PTPRD: variants seen among roughly 807,000 people sequenced by gnomAD.
PTPRD encodes receptor-type tyrosine-protein phosphatase delta.
In PTPRD, 34 loss-of-function variants were observed where a neutral mutation model predicts 214.5. The observed-to-expected ratio is 0.16, with a 90% CI of 0.12 to 0.21. PTPRD has a LOEUF of 0.21. Among genes scored for constraint, PTPRD ranks in the 10% least tolerant of loss-of-function variants. The probability of loss-of-function intolerance (pLI) is 1.00; values close to 1 mark genes in which losing one functional copy is unlikely to be tolerated. For synonymous variants in PTPRD, 1,128 were observed against 845.7 expected (o/e 1.33, Z -5.79); for missense variants, 2,545 against 2,398.7 (o/e 1.06, Z -1.27).
At chr9:10,117,771 T>C (rs1222847770) in intron 3 of PTPRD, among the ~76,000 whole-genome samples, 1 of 151,984 alleles carries the variant, frequency 6.6e-6, no homozygotes, top group African/African-American at 2.4e-5. Context: ...AAACAATTCA[T>C]GTCAGAAGAT....
intron 11 of PTPRD, among the ~76,000 whole-genome samples, chr9:8,870,198 A>G (rs765481611): frequency 4.6e-5 from 7 of 151,990 alleles, no homozygotes; most frequent in African/African-American, 7.2e-5. Context: ...TTTAAATTAT[A>G]TTAGAACAGC....
intron 11 of PTPRD, among the ~76,000 whole-genome samples, chr9:8,907,533 A>AAAT (rs3046919): frequency 1.3e-3 from 157 of 118,202 alleles, no homozygotes; most frequent in African/African-American, 1.9e-3. Context: ...AAAAAAAAAA[A>AAAT]ATATATATAT....
chr9:9,965,743 T>G (rs1408812648), intron 4 of PTPRD, among the ~76,000 whole-genome samples: 1 of 152,184 alleles, frequency 6.6e-6, no homozygotes, highest in East Asian at 1.9e-4. Flanking sequence ...CCTCCACTCT[T>G]CAGATATCAC....
chr9:8,665,903 G>C (rs939873566), intron 12 of PTPRD, among the ~76,000 whole-genome samples: 1 of 152,096 alleles, frequency 6.6e-6, no homozygotes, highest in Admixed American at 6.6e-5. Context: ...GATACACTGT[G>C]GTTACTACTG....
chr9:9,567,034 T>C (rs1165769795), intron 8 of PTPRD, among the ~76,000 whole-genome samples: 1 of 151,846 alleles, frequency 6.6e-6, no homozygotes, highest in Non-Finnish European at 1.5e-5. Context: ...CAAGTAGATA[T>C]AAAAAATATA....
intron 8 of PTPRD, among the ~76,000 whole-genome samples, chr9:9,447,798 G>T (rs917937943): frequency 6.6e-6 from 1 of 152,120 alleles, no homozygotes; most frequent in Non-Finnish European, 1.5e-5. Context: ...GAAGAACGCT[G>T]TTCTAGGGAA....
At chr9:8,888,281 C>A (rs1037381141) in intron 11 of PTPRD, among the ~76,000 whole-genome samples, 11 of 152,090 alleles carry the variant, frequency 7.2e-5, no homozygotes, top group African/African-American at 2.7e-4. Context: ...CATAGTAATA[C>A]CGTTCATTTA....
chr9:9,089,000 A>G (rs1165835093), intron 10 of PTPRD, among the ~76,000 whole-genome samples: 1 of 152,202 alleles, frequency 6.6e-6, no homozygotes. Flanking sequence ...TTTGAAGGGA[A>G]CACAAGGGTT....
chr9:10,092,168 G>C (rs2098438636), intron 3 of PTPRD, among the ~76,000 whole-genome samples: 1 of 151,450 alleles, frequency 6.6e-6, no homozygotes. Flanking sequence ...AACCACCTAT[G>C]CCTCATGTAA....
chr9:9,134,125 T>C, intron 10 of PTPRD, among the ~76,000 whole-genome samples: 1 of 122,808 alleles, frequency 8.1e-6, no homozygotes, highest in African/African-American at 3.6e-5. Flanking sequence ...GACTGCGGAC[T>C]GCAGTGGCGC....
At chr9:9,641,187 G>C (rs1445877506) in intron 7 of PTPRD, among the ~76,000 whole-genome samples, 1 of 152,194 alleles carries the variant, frequency 6.6e-6, no homozygotes, top group African/African-American at 2.4e-5. Context: ...GTAGCTCCTT[G>C]AGTTGTTTTC....
At chr9:9,275,044 C>T in intron 9 of PTPRD, among the ~76,000 whole-genome samples, 1 of 94,926 alleles carries the variant, frequency 1.1e-5, no homozygotes, top group Admixed American at 1.5e-4. Flanking sequence ...CCTTTGTTTC[C>T]ATATATATAT....
intron 34 of PTPRD, among the ~76,000 whole-genome samples, chr9:8,442,995 A>C (rs2095598035): frequency 6.6e-6 from 1 of 152,190 alleles, no homozygotes; most frequent in South Asian, 2.1e-4. Flanking sequence ...ATTTTTTTAA[A>C]TGAACCGGGC....
At chr9:8,665,700 T>C (rs56300130) in intron 12 of PTPRD, among the ~76,000 whole-genome samples, 1,557 of 152,310 alleles carry the variant, frequency 0.01, 27 homozygotes, top group African/African-American at 0.034. Flanking sequence ...CACCCCACTT[T>C]TATTTCTCTT....
At chr9:9,213,143 C>A (rs555350251) in intron 9 of PTPRD, among the ~76,000 whole-genome samples, 3 of 152,164 alleles carry the variant, frequency 2.0e-5, no homozygotes, top group African/African-American at 7.2e-5. Flanking sequence ...TCTCAAGGTG[C>A]TCTTATATAC....
intron 2 of PTPRD, among the ~76,000 whole-genome samples, chr9:10,360,929 C>T (rs953826327): frequency 1.3e-5 from 2 of 152,000 alleles, no homozygotes; most frequent in South Asian, 2.1e-4. Flanking sequence ...GATGAAACCC[C>T]GTCTCTACTA....
intron 11 of PTPRD, among the ~76,000 whole-genome samples, chr9:8,916,225 A>G (rs2098784897): frequency 1.3e-5 from 2 of 152,160 alleles, no homozygotes; most frequent in African/African-American, 2.4e-5. Context: ...TGTTAATGGA[A>G]GCCATCAGCA....
chr9:8,364,621 C>G (rs887047699), intron 39 of PTPRD, among the ~76,000 whole-genome samples: 2 of 146,150 alleles, frequency 1.4e-5, no homozygotes, highest in Non-Finnish European at 2.9e-5. Context: ...GACAGCATGT[C>G]AAGTAATTTT....
chr9:9,645,459 A>G (rs1031483153), intron 7 of PTPRD, among the ~76,000 whole-genome samples: 72 of 71,674 alleles, frequency 1.0e-3, no homozygotes, highest in African/African-American at 2.2e-3. Context: ...ACATATATGT[A>G]TATATATATA....
Sources: allele counts gnomAD v4.1 joint callset (sites outside exome capture counted in the v4.1 genomes callset), GRCh38; gene constraint gnomAD v4.1.1; transcripts MANE v1.5; gene names NCBI Gene and HGNC (gene_info 2026-07-23, HGNC 2026-07-21).